The following SYCP2 variants were observed in gnomAD, a reference collection of about 807,000 sequenced individuals.
The protein encoded by SYCP2 is synaptonemal complex protein 2, also known as synaptonemal complex lateral element protein.
A neutral mutation model predicts 211.3 loss-of-function variants in SYCP2; 55 were observed. The ratio of observed to expected loss-of-function variants is 0.26; its 90% CI spans 0.21 to 0.33. The LOEUF (loss-of-function observed/expected upper bound fraction) is 0.33. SYCP2 is among the 10% of genes least tolerant of loss of function. SYCP2 has a pLI of 1.00. For synonymous variants in SYCP2, 570 were observed against 555.2 expected, an observed-to-expected ratio of 1.03 and a Z score of -0.37; for missense variants, 1,731 against 1,752.0, an observed-to-expected ratio of 0.99 and a Z score of 0.21.
At position 59,914,249 on chromosome 20, in the gene SYCP2, A is replaced by G; in HGVS notation, c.637T>C (p.Tyr213His). The G allele has an allele frequency of 6.5e-7, 1 of 1,532,278 alleles. No individual in the cohort carries two copies. Among genetic ancestry groups the G allele is most frequent in the Non-Finnish European group, 8.8e-7 (1 of 1,132,754 alleles). The allele number at this position is 1,532,278 out of a possible 1,614,324, so 94.9% of individuals were successfully genotyped here. Reference sequence around the variant, plus strand: ...TCTACAATGCCTACCTGTAAGTCATAATCTATTAAAAAAATAGTTAATGTT... The same window carrying G: ...TCTACAATGCCTACCTGTAAGTCATGATCTATTAAAAAAATAGTTAATGTT... ...MGERILDAGD[Y>H]DLQVGIVEAL... The change falls in exon 11 of 45, where the codon TAT (tyrosine) becomes CAT (histidine). Residue 213 changes from tyrosine (Y) to histidine (H), a missense_variant and splice_region_variant. Physicochemically the swap from Tyr to His is moderately conservative, Grantham distance 83 (BLOSUM62 2). Coordinates refer to ENST00000357552, the MANE Select transcript of SYCP2 (RefSeq NM_014258.4).
intron 3 of SYCP2, 63 bp from the exon 4 acceptor site, chr20:59,921,516 C>CTAGTAAT (rs2060540875): frequency 8.1e-7 from 1 of 1,234,906 alleles, no homozygotes; most frequent in African/African-American, 1.6e-5. Flanking sequence ...CTTATGCAAT[C>CTAGTAAT]TAGTAATTTG....
intron 1 of SYCP2, among the ~76,000 whole-genome samples, chr20:59,932,465 C>G (rs931314046): frequency 6.6e-6 from 1 of 152,110 alleles, no homozygotes; most frequent in African/African-American, 2.4e-5. Context: ...CACCTGAGGT[C>G]AGGAGTTCGA....
intron 15 of SYCP2, among the ~76,000 whole-genome samples, chr20:59,906,589 A>C (rs1458608344): frequency 6.6e-6 from 1 of 152,158 alleles, no homozygotes; most frequent in Non-Finnish European, 1.5e-5. Context: ...TAAAACTATA[A>C]AATTTTTGTG....
rs1330264212 is a variant in SYCP2, at chr20:59,868,896, C to T, written c.3771G>A (p.Lys1257=). The T allele has an allele frequency of 6.2e-7, 1 of 1,609,174 alleles. No homozygotes were observed. Among genetic ancestry groups the T allele is most frequent in the African/African-American group, 1.3e-5 (1 of 74,640 alleles). The change falls in exon 37 of 45, where the codon AAG becomes AAA. Residue 1257 remains lysine, a synonymous_variant. Transcript: ENST00000357552. ...ACGTTTTCTCTCTTCCTTCACTAGA[C>T]TTGGATAATGAAGATGCTAAATGAC... ...EESHLASSLS[K]SSEGREKTWF...
chr20:59,900,355 G>A, intron 17 of SYCP2, 71 bp from the exon 18 acceptor site: 5 of 1,306,350 alleles, frequency 3.8e-6, no homozygotes, highest in Non-Finnish European at 4.1e-6. Flanking sequence ...ATCACTGGAT[G>A]TCTTAAGCTC....
At chr20:59,909,449 T>C (rs899386096) in intron 14 of SYCP2, among the ~76,000 whole-genome samples, 2 of 152,242 alleles carry the variant, frequency 1.3e-5, no homozygotes, top group African/African-American at 2.4e-5. Flanking sequence ...ACCTGGATTA[T>C]TGCAAAAGCC....
At position 59,882,080 on chromosome 20, in the gene SYCP2, A is replaced by T; in HGVS notation, c.2600+15T>A. 2 of 1,610,646 alleles carry T rather than the reference A, an allele frequency of 1.2e-6. No homozygotes were observed. The highest frequency in any genetic ancestry group is 1.7e-6 in the Non-Finnish European group (2 of 1,177,772). On this transcript the variant is annotated intron_variant, in intron 27 of 44. Transcript: ENST00000357552. ...AAATATGAAGAAAATGAAAAATATTACAAAAAATACTTACACTGGGCATTC... is the reference window on the plus strand; with the variant it reads ...AAATATGAAGAAAATGAAAAATATTTCAAAAAATACTTACACTGGGCATTC...
chr20:59,875,617 T>C (rs2059540373), intron 33 of SYCP2, 148 bp from the exon 34 acceptor site: 2 of 553,058 alleles, frequency 3.6e-6, no homozygotes, highest in Non-Finnish European at 6.2e-6. Context: ...AGTGAAAGAC[T>C]TTCTAATATA....
rs779849595 is a variant in SYCP2 at position 59,866,274 on chromosome 20, A to C, written c.4320+19T>G. 1 of 1,520,890 alleles carries C rather than the reference A, an allele frequency of 6.6e-7. No homozygotes were observed. The highest frequency in any genetic ancestry group is 2.1e-5 in the Admixed American group (1 of 48,770). The allele number at this position is 1,520,890 out of a possible 1,614,324, so 94.2% of individuals were successfully genotyped here. A position where few individuals can be genotyped will look rare whatever the true frequency, so the allele number is the denominator to read the frequency against. On this transcript the variant is annotated intron_variant, in intron 41 of 44. Transcript: ENST00000357552. ...AATAAGGTTTTAAACTTATTTAAAA[A>C]ATTTTTAAAGTAACAAACCACAAAT...
chr20:59,904,627 G>A (rs1400046404), intron 15 of SYCP2, among the ~76,000 whole-genome samples: 3 of 152,104 alleles, frequency 2.0e-5, no homozygotes, highest in African/African-American at 7.2e-5. Flanking sequence ...GACATCCATA[G>A]AGGCAACAAC....
At chr20:59,883,272 C>T (rs2059719334) in intron 26 of SYCP2, among the ~76,000 whole-genome samples, 1 of 152,064 alleles carries the variant, frequency 6.6e-6, no homozygotes, top group Admixed American at 6.6e-5. Flanking sequence ...TTGCTTGAAC[C>T]AGGGAGGCGG....
At chr20:59,880,072 G>A (rs1391365663) in intron 31 of SYCP2, among the ~76,000 whole-genome samples, 2 of 150,876 alleles carry the variant, frequency 1.3e-5, no homozygotes, top group African/African-American at 2.4e-5. Flanking sequence ...CGAAAATCAT[G>A]AGCCAAGGAT....
intron 33 of SYCP2, 112 bp downstream of exon 33, chr20:59,877,273 A>T: frequency 1.3e-6 from 1 of 766,028 alleles, no homozygotes; most frequent in Non-Finnish European, 1.8e-6. Flanking sequence ...GTTTTGTCAT[A>T]AAAGAAGTTA....
At chr20:59,916,461 T>G in intron 8 of SYCP2, 25 bp downstream of exon 8, 1 of 1,458,612 alleles carries the variant, frequency 6.9e-7, no homozygotes, top group Non-Finnish European at 9.5e-7. Flanking sequence ...TTTTTAGTTT[T>G]TAAAACACAA....
At chr20:59,888,128 AG>A (rs574287693) in intron 24 of SYCP2, among the ~76,000 whole-genome samples, 151 of 152,206 alleles carry the variant, frequency 9.9e-4, no homozygotes, top group African/African-American at 3.4e-3. Flanking sequence ...ACAAGATAGA[AG>A]AGTAGGAACT....
At chr20:59,916,402 A>G (rs1227858752) in intron 8 of SYCP2, 84 bp downstream of exon 8, 2 of 764,132 alleles carry the variant, frequency 2.6e-6, no homozygotes, top group Non-Finnish European at 4.5e-6. Flanking sequence ...TTTGTCCTAC[A>G]TGAAATAAAT....
Position 59,912,392 on chromosome 20 carries a change from G to A in SYCP2, c.857C>T (p.Ala286Val). 3 of 1,084,694 alleles carry A rather than the reference G, an allele frequency of 2.8e-6. No homozygotes were observed. The highest frequency in any genetic ancestry group is 4.0e-6 in the Non-Finnish European group (3 of 753,982). The allele number at this position is 1,084,694 out of a possible 1,614,324, so 67.2% of individuals were successfully genotyped here. The stretch of plus-strand genomic sequence containing the variant: ...TTTTACCTCATATTTATCAAGAAAT[G>A]CTGATAAACAAGGAAATGTAAAGAC... The part of the protein sequence containing the change: ...RRVFTFPCLS[A>V]FLDKYELQIP... The change falls in exon 13 of 45, where the codon GCA becomes GTA. Residue 286 changes from alanine to valine, a missense_variant. Physicochemically the swap from Ala to Val is moderately conservative, Grantham distance 64 (BLOSUM62 0). This residue lies in a region of SYCP2 where 335 missense variants were observed against 378.8 expected (regional missense o/e 0.88). Transcript: ENST00000357552.
intron 26 of SYCP2, among the ~76,000 whole-genome samples, chr20:59,883,799 AGTATT>A (rs2059733142): frequency 6.6e-6 from 1 of 152,068 alleles, no homozygotes; most frequent in African/African-American, 2.4e-5. Flanking sequence ...GACTATTAAT[AGTATT>A]GTATAGTACA....
intron 36 of SYCP2, among the ~76,000 whole-genome samples, chr20:59,869,514 C>T (rs1014750742): frequency 2.0e-5 from 3 of 151,656 alleles, no homozygotes; most frequent in Admixed American, 6.6e-5. Flanking sequence ...TATATATTCA[C>T]GAAACCAGAA....
Sources: gnomAD v4.1 joint callset for allele counts (sites outside exome capture counted in the v4.1 genomes callset) on GRCh38, gnomAD v4.1.1 for gene constraint, gnomAD v4.1.1 regional missense constraint, MANE v1.5 for transcripts, NCBI Gene and HGNC (gene_info 2026-07-23, HGNC 2026-07-21) for gene names.